The following MGAT5 variants were observed in gnomAD, a reference collection of about 807,000 sequenced individuals.
The protein encoded by MGAT5 is alpha-1,6-mannosylglycoprotein 6-beta-N-acetylglucosaminyltransferase A.
In MGAT5, 30 loss-of-function variants were observed where a neutral mutation model predicts 94.3. The observed-to-expected ratio is 0.32, with a 90% CI of 0.24 to 0.43. The LOEUF (loss-of-function observed/expected upper bound fraction) is 0.43, where lower values mean the gene tolerates loss of function less well. MGAT5 is among the 20% of genes least tolerant of loss of function. The probability of loss-of-function intolerance (pLI) is 1.00; values close to 1 mark genes in which losing one functional copy is unlikely to be tolerated. For missense variants in MGAT5, 691 were observed against 905.5 expected (o/e 0.76, Z 3.04); for synonymous variants, 310 against 322.9 (o/e 0.96, Z 0.43).
At chr2:134,310,859 A>C (rs1443576408) in intron 2 of MGAT5, among the ~76,000 whole-genome samples, 1 of 152,154 alleles carries the variant, frequency 6.6e-6, no homozygotes, top group African/African-American at 2.4e-5. Context: ...CAGCTGATGG[A>C]GGTGCTGGCA....
chr2:134,398,709 A>G (rs535281677), intron 10 of MGAT5, among the ~76,000 whole-genome samples: 2 of 150,964 alleles, frequency 1.3e-5, no homozygotes, highest in African/African-American at 4.8e-5. Flanking sequence ...ATGGATAAAG[A>G]AAATATGTAC....
chr2:134,231,339 C>G (rs1681353779), intron 1 of MGAT5: 1 of 152,152 alleles, frequency 6.6e-6, no homozygotes, highest in Non-Finnish European at 1.5e-5. Flanking sequence ...CCAGTAAAAA[C>G]CATTATATTG....
chr2:134,121,895 G>C (rs1217365012), intron 1 of MGAT5, among the ~76,000 whole-genome samples: 1 of 152,000 alleles, frequency 6.6e-6, no homozygotes. Context: ...TAAGCCTTAC[G>C]GCTGCATCAG....
In MGAT5 at chr2:134,451,502, G is replaced by A. The variant is rs937645440; in HGVS notation, c.*2655G>A. The A allele has an allele frequency of 2.6e-5, 4 of 152,264 alleles. No homozygotes were observed. Among genetic ancestry groups the A allele is most frequent in the African/African-American group, 7.2e-5 (3 of 41,456 alleles). 9.4% of individuals were successfully genotyped at this position (152,264 alleles called of 1,614,324 possible). ...TCAGTGATCCTGGAGAGGAAACTGG[G>A]GAGGGGGCTTCCAACTGCCCTGCAT... On this transcript the variant is annotated 3_prime_UTR_variant, in exon 16 of 16. Transcript: ENST00000281923.
At chr2:134,410,343 G>A (rs1683574225) in intron 11 of MGAT5, among the ~76,000 whole-genome samples, 1 of 152,130 alleles carries the variant, frequency 6.6e-6, no homozygotes, top group Non-Finnish European at 1.5e-5. Context: ...AAGCACACAG[G>A]AAGCAAGAAA....
chr2:134,226,673 A>G (rs1221047554), intron 1 of MGAT5, among the ~76,000 whole-genome samples: 1 of 152,190 alleles, frequency 6.6e-6, no homozygotes, highest in Non-Finnish European at 1.5e-5. Context: ...GGTAGAGTTC[A>G]TGCAGTCATT....
At chr2:134,296,216 G>A (rs1685665683) in intron 2 of MGAT5, among the ~76,000 whole-genome samples, 1 of 152,018 alleles carries the variant, frequency 6.6e-6, no homozygotes, top group South Asian at 2.1e-4. Context: ...AGAGAATTGG[G>A]GATGGACACA....
chr2:134,288,901 CCT>C (rs1238424086), intron 2 of MGAT5, among the ~76,000 whole-genome samples: 1 of 152,192 alleles, frequency 6.6e-6, no homozygotes, highest in African/African-American at 2.4e-5. Flanking sequence ...CTTGCTCAAA[CCT>C]CTCATTGTCA....
At chr2:134,198,329 A>G (rs1021755098) in intron 1 of MGAT5, among the ~76,000 whole-genome samples, 2 of 152,166 alleles carry the variant, frequency 1.3e-5, no homozygotes, top group East Asian at 3.9e-4. Flanking sequence ...AGCTCTGTGT[A>G]GCTCTGAAGA....
At chr2:134,136,996 G>A (rs1007182960) in intron 1 of MGAT5, among the ~76,000 whole-genome samples, 36 of 152,172 alleles carry the variant, frequency 2.4e-4, no homozygotes, top group African/African-American at 8.4e-4. Context: ...TCACTACAAG[G>A]TATGTGATTC....
chr2:134,413,104 A>C, intron 12 of MGAT5, 89 bp downstream of exon 12: 13 of 1,405,198 alleles, frequency 9.3e-6, no homozygotes, highest in Admixed American at 1.8e-5. Context: ...TTCATCTAAC[A>C]TGATTGGGTG....
At chr2:134,369,815 C>T (rs75563544) in intron 10 of MGAT5, among the ~76,000 whole-genome samples, 9,033 of 149,860 alleles carry the variant, frequency 0.06, 681 homozygotes, top group East Asian at 0.22. Flanking sequence ...TTATCCTTTA[C>T]GGAAAAAATT....
intron 11 of MGAT5, among the ~76,000 whole-genome samples, chr2:134,408,653 G>C (rs1192859054): frequency 1.3e-5 from 2 of 152,184 alleles, no homozygotes; most frequent in African/African-American, 4.8e-5. Context: ...GAGCCCTTGG[G>C]AGGATAGAGC....
chr2:134,390,009 G>T (rs1573994242), intron 10 of MGAT5, among the ~76,000 whole-genome samples: 1 of 152,214 alleles, frequency 6.6e-6, no homozygotes, highest in Non-Finnish European at 1.5e-5. Flanking sequence ...GCAGTTTTTT[G>T]CAAGCCTTCC....
rs138688644 is a variant in MGAT5, at chr2:134,166,322, G to A, written c.-143+46031G>A. ...CAACAGTAAGGGCACAAGTTTATTC[G>A]TGCATAGTGCAGTCTTCAGAATTCT... On this transcript the variant is annotated intron_variant, in intron 1 of 16. Transcript: ENST00000409645. Among the ~76,000 whole-genome samples, 204 of 152,314 alleles carry A rather than the reference G, an allele frequency of 1.3e-3. 1 individual carries two copies. The highest frequency in any genetic ancestry group is 3.7e-3 in the Admixed American group (57 of 15,306).
chr2:134,181,577 G>A (rs191868417), intron 1 of MGAT5, among the ~76,000 whole-genome samples: 1 of 152,154 alleles, frequency 6.6e-6, no homozygotes, highest in African/African-American at 2.4e-5. Context: ...TTATTACAAT[G>A]CATGTGCAGT....
chr2:134,132,798 G>A (rs1249151674), intron 1 of MGAT5, among the ~76,000 whole-genome samples: 1 of 152,210 alleles, frequency 6.6e-6, no homozygotes, highest in African/African-American at 2.4e-5. Flanking sequence ...TCATACCCTT[G>A]TAGAAATGAC....
intron 1 of MGAT5, among the ~76,000 whole-genome samples, chr2:134,132,269 A>G (rs1686211920): frequency 6.6e-6 from 1 of 152,080 alleles, no homozygotes; most frequent in African/African-American, 2.4e-5. Flanking sequence ...AATCCTTTAT[A>G]TTTTTACCAA....
chr2:134,342,508 T>G (rs975404624), intron 7 of MGAT5, among the ~76,000 whole-genome samples: 1 of 152,096 alleles, frequency 6.6e-6, no homozygotes, highest in Non-Finnish European at 1.5e-5. Flanking sequence ...TCCCAGCACT[T>G]CGGGAGGCCA....
Sources: allele counts gnomAD v4.1 joint callset (sites outside exome capture counted in the v4.1 genomes callset), GRCh38; gene constraint gnomAD v4.1.1; transcripts MANE v1.5; gene names NCBI Gene and HGNC (gene_info 2026-07-23, HGNC 2026-07-21).